The following PARD3B variants were observed in gnomAD, a reference collection of about 807,000 sequenced individuals.
PARD3B encodes the protein partitioning defective 3 homolog B.
Under a neutral mutation model 130.2 loss-of-function variants are expected in PARD3B, and 103 were observed. That is an observed-to-expected ratio of 0.79 (90% CI 0.67 to 0.93). The LOEUF is 0.93. Ranked by LOEUF, PARD3B falls within the 40% of genes least tolerant of loss-of-function variation. The probability of loss-of-function intolerance (pLI) is 0.00; values close to 1 mark genes in which losing one functional copy is unlikely to be tolerated. For synonymous variants in PARD3B, 583 were observed against 553.2 expected, an observed-to-expected ratio of 1.05 and a Z score of -0.76; for missense variants, 1,609 against 1,499.2, an observed-to-expected ratio of 1.07 and a Z score of -1.21.
At position 205,325,526 on chromosome 2, in the gene PARD3B, T is replaced by TTAGTAGTAGTAGTAG. The variant is rs56071229; in HGVS notation, c.2630+23833_2630+23847dup. 1.4e-4 allele frequency among the ~76,000 whole-genome samples: 21 copies of TTAGTAGTAGTAGTAG among 150,638 alleles called. No homozygotes were observed. The highest frequency in any genetic ancestry group is 5.3e-4 in the Admixed American group (8 of 15,084). ...TTTACTAATATCATCTCATTGTTTA[T>TTAGTAGTAGTAGTAG]TAGTAGTAGTAGTAGTAGTAGTCTC... On this transcript the variant is annotated intron_variant, in intron 18 of 22. Transcript: ENST00000406610. The surrounding 1 kb of genome is among the most constrained non-coding windows in gnomAD (Gnocchi z 4.1).
At chr2:205,096,165 T>C (rs769407619) in intron 4 of PARD3B, among the ~76,000 whole-genome samples, 4 of 152,126 alleles carry the variant, frequency 2.6e-5, no homozygotes, top group Non-Finnish European at 5.9e-5. Context: ...TTTATATGTA[T>C]GTTTATTCAG....
At chr2:204,964,160 C>T (rs1691001051) in intron 2 of PARD3B, among the ~76,000 whole-genome samples, 1 of 152,162 alleles carries the variant, frequency 6.6e-6, no homozygotes, top group South Asian at 2.1e-4. Flanking sequence ...CTGGTTTTCA[C>T]ATTTACACAC....
chr2:205,425,085 G>T (rs2047098616), intron 19 of PARD3B, among the ~76,000 whole-genome samples: 1 of 152,170 alleles, frequency 6.6e-6, no homozygotes, highest in Admixed American at 6.6e-5. Context: ...TTGGCCAGCA[G>T]CCTAGGGAAC....
At chr2:204,970,615 G>A (rs932249606) in intron 3 of PARD3B, among the ~76,000 whole-genome samples, 1 of 151,974 alleles carries the variant, frequency 6.6e-6, no homozygotes, top group African/African-American at 2.4e-5. Flanking sequence ...TTTTTATTTT[G>A]TACCTTTTGA....
At chr2:205,270,846 G>A (rs940212273) in intron 16 of PARD3B, among the ~76,000 whole-genome samples, 1 of 152,042 alleles carries the variant, frequency 6.6e-6, no homozygotes, top group Non-Finnish European at 1.5e-5. Flanking sequence ...AAAAGCTAAG[G>A]TCTTCCCCCA....
At chr2:204,729,880 AAAAC>A (rs2039412219) in intron 2 of PARD3B, among the ~76,000 whole-genome samples, 1 of 152,100 alleles carries the variant, frequency 6.6e-6, no homozygotes, top group Non-Finnish European at 1.5e-5. Flanking sequence ...AATAAATTGA[AAAAC>A]AAAATTAGTA....
intron 18 of PARD3B, among the ~76,000 whole-genome samples, chr2:205,342,082 T>C (rs1488460199): frequency 1.3e-5 from 2 of 152,148 alleles, no homozygotes; most frequent in African/African-American, 4.8e-5. Context: ...TGTTGTATCC[T>C]CAGCCTCTAG....
At chr2:204,608,390 C>A (rs779687715) in intron 1 of PARD3B, among the ~76,000 whole-genome samples, 8 of 152,180 alleles carry the variant, frequency 5.3e-5, no homozygotes, top group Non-Finnish European at 1.2e-4. Context: ...TCCCATTCTT[C>A]TACCCTTAGT....
At chr2:204,919,649 T>G (rs910413634) in intron 2 of PARD3B, among the ~76,000 whole-genome samples, 4 of 152,332 alleles carry the variant, frequency 2.6e-5, no homozygotes, top group African/African-American at 9.6e-5. Flanking sequence ...CTCCTGATAA[T>G]GGACATCTGG....
At chr2:204,911,927 CAA>C (rs927364687) in intron 2 of PARD3B, among the ~76,000 whole-genome samples, 17 of 151,530 alleles carry the variant, frequency 1.1e-4, no homozygotes, top group African/African-American at 3.6e-4. Flanking sequence ...CTAAAAAAAA[CAA>C]AAAGTAATAT....
chr2:204,739,084 A>G (rs1451473085), intron 2 of PARD3B, among the ~76,000 whole-genome samples: 2 of 152,058 alleles, frequency 1.3e-5, no homozygotes, highest in Non-Finnish European at 2.9e-5. Flanking sequence ...CTACTTTTTA[A>G]TCTACTTACT....
At chr2:205,455,597 C>T (rs2106208986) in intron 20 of PARD3B, among the ~76,000 whole-genome samples, 1 of 151,646 alleles carries the variant, frequency 6.6e-6, no homozygotes, top group African/African-American at 2.4e-5. Context: ...ATATATTTGT[C>T]TTTACATTTT....
intron 2 of PARD3B, among the ~76,000 whole-genome samples, chr2:204,757,410 C>T (rs769814434): frequency 6.6e-6 from 1 of 152,184 alleles, no homozygotes; most frequent in Non-Finnish European, 1.5e-5. Context: ...TCCTCCACAA[C>T]CTTGCCAACA....
At chr2:205,273,473 A>G (rs1220648287) in intron 16 of PARD3B, among the ~76,000 whole-genome samples, 1 of 152,210 alleles carries the variant, frequency 6.6e-6, no homozygotes, top group East Asian at 1.9e-4. Flanking sequence ...TTTCCCTCTA[A>G]TGACCAGCTC....
Position 205,466,591 on chromosome 2 carries a change from TCCCAGTGTAC to T in PARD3B, c.3044+25924_3044+25933del, listed in dbSNP as rs949146805. On this transcript the variant is annotated intron_variant, in intron 20 of 22. Coordinates refer to ENST00000406610, the MANE Select transcript of PARD3B (RefSeq NM_001302769.2). ...TTAATACAACTAAGTAATCCATTTT[TCCCAGTGTAC>T]CCCATTCACTTAAGAGTTTCAATGG... Among the ~76,000 whole-genome samples the T allele has an allele frequency of 5.7e-4, 87 of 152,386 alleles. No homozygotes were observed. In the South Asian group the frequency reaches 0.013, roughly 22 times the overall value.
chr2:205,373,904 C>T (rs2044923762), intron 18 of PARD3B, among the ~76,000 whole-genome samples: 1 of 152,138 alleles, frequency 6.6e-6, no homozygotes, highest in African/African-American at 2.4e-5. Context: ...ATTTCAGATC[C>T]TCCTAGCATT....
At chr2:205,271,832 A>G (rs920207892) in intron 16 of PARD3B, among the ~76,000 whole-genome samples, 1 of 152,176 alleles carries the variant, frequency 6.6e-6, no homozygotes, top group African/African-American at 2.4e-5. Context: ...CTACATCTTA[A>G]CAGCATAATT....
At chr2:205,178,057 G>A (rs146408570) in intron 13 of PARD3B, among the ~76,000 whole-genome samples, 1 of 137,178 alleles carries the variant, frequency 7.3e-6, no homozygotes, top group Non-Finnish European at 1.5e-5. Context: ...TGTAATCCCA[G>A]CACTTTGGGA....
intron 5 of PARD3B, among the ~76,000 whole-genome samples, chr2:205,107,613 A>C (rs1488895162): frequency 6.6e-6 from 1 of 152,230 alleles, no homozygotes; most frequent in Non-Finnish European, 1.5e-5. Context: ...CTGACACCTA[A>C]TACAGGTCTT....
Sources: gnomAD v4.1 joint callset for allele counts (sites outside exome capture counted in the v4.1 genomes callset) on GRCh38, gnomAD v4.1.1 for gene constraint, Gnocchi (gnomAD v3.1) non-coding constraint, MANE v1.5 for transcripts, NCBI Gene and HGNC (gene_info 2026-07-23, HGNC 2026-07-21) for gene names.